Variants in EPHB4 observed in about 807,000 individuals in gnomAD.
EPHB4 encodes the protein ephrin type-B receptor 4.
Under a neutral mutation model 110.6 loss-of-function variants are expected in EPHB4, and 50 were observed. The ratio of observed to expected loss-of-function variants is 0.45; its 90% CI spans 0.36 to 0.57. The LOEUF (loss-of-function observed/expected upper bound fraction) is 0.57. EPHB4 is among the 20% of genes least tolerant of loss of function. The probability of loss-of-function intolerance (pLI) is 0.00; values close to 1 mark genes in which losing one functional copy is unlikely to be tolerated. For synonymous variants in EPHB4, 592 were observed against 578.4 expected (o/e 1.02, Z -0.34); for missense variants, 1,128 against 1,382.1 (o/e 0.82, Z 2.91).
chr7:100,820,451 C>G, intron 4 of EPHB4, 155 bp from the exon 5 acceptor site: 1 of 632,264 alleles, frequency 1.6e-6, no homozygotes, highest in Non-Finnish European at 2.3e-6. Flanking sequence ...GGCAACATAT[C>G]GAGATCCCAT....
intron 16 of EPHB4, 144 bp from the exon 17 acceptor site, chr7:100,803,734 C>G (rs1449369183): frequency 8.8e-7 from 1 of 1,141,020 alleles, no homozygotes; most frequent in Non-Finnish European, 1.2e-6. Flanking sequence ...TCAACAGTTC[C>G]CGGGCAGTTT....
At chr7:100,806,020 C>A (rs113378847) in intron 14 of EPHB4, 4 of 299,316 alleles carry the variant, frequency 1.3e-5, no homozygotes, top group Non-Finnish European at 1.2e-5. Context: ...AAAGCAATGG[C>A]GTGATCTCAG....
chr7:100,808,195 G>A (rs1423568306), intron 12 of EPHB4, among the ~76,000 whole-genome samples: 1 of 152,132 alleles, frequency 6.6e-6, no homozygotes, highest in African/African-American at 2.4e-5. Context: ...TTTATACCCA[G>A]GAAATACTCA....
intron 6 of EPHB4, among the ~76,000 whole-genome samples, chr7:100,818,927 C>CTTGT (rs1813150353): frequency 6.6e-6 from 1 of 151,996 alleles, no homozygotes; most frequent in Non-Finnish European, 1.5e-5. Context: ...AACTCCTGAC[C>CTTGT]TTGTGATCAG....
intron 8 of EPHB4, among the ~76,000 whole-genome samples, chr7:100,815,082 G>A (rs969085742): frequency 3.3e-5 from 5 of 151,648 alleles, no homozygotes; most frequent in African/African-American, 1.2e-4. Context: ...ACTTTGGGAG[G>A]CTGAGGTGGG....
At chr7:100,811,869 T>TAAAA (rs764889610) in intron 12 of EPHB4, among the ~76,000 whole-genome samples, 1 of 132,282 alleles carries the variant, frequency 7.6e-6, no homozygotes, top group African/African-American at 2.8e-5. Flanking sequence ...GACTCTGTCT[T>TAAAA]AAAAAAAAAA....
chr7:100,813,008 C>CGCAGAGG lies in EPHB4; in HGVS notation c.1871-21_1871-15dup. 1.2e-6 allele frequency: 2 copies of CGCAGAGG among 1,612,880 alleles called. No individual in the cohort carries two copies. Among genetic ancestry groups the CGCAGAGG allele is most frequent in the African/African-American group, 1.3e-5 (1 of 75,058 alleles). ...CGCCAAACTCACCTTCAAACAAGGA[C>CGCAGAGG]GCAGAGGTCATCAGCTCTCCCGCTC... On this transcript the variant is annotated splice_polypyrimidine_tract_variant and intron_variant, in intron 11 of 16. Transcript: ENST00000358173.
intron 1 of EPHB4, 100 bp from the exon 2 acceptor site, chr7:100,824,373 T>A: frequency 2.3e-6 from 3 of 1,283,348 alleles, no homozygotes; most frequent in Non-Finnish European, 3.4e-6. Flanking sequence ...CTCTTAGCTC[T>A]GAGCTAGAGG....
Position 100,817,234 on chromosome 7 carries a change from C to G in EPHB4, c.1546G>C (p.Gly516Arg). 6.2e-7 allele frequency: 1 copy of G among 1,600,346 alleles called. No individual in the cohort carries two copies. The highest frequency in any genetic ancestry group is 1.7e-5 in the Admixed American group (1 of 58,564). The change falls in exon 8 of 17, where the codon GGG (glycine) becomes CGG (arginine). Residue 516 changes from glycine to arginine, a missense_variant. Gly to Arg is a moderately radical substitution (Grantham distance 125). This residue lies in a region of EPHB4 where 728 missense variants were observed against 828.6 expected (regional missense o/e 0.88). Coordinates refer to ENST00000358173, the MANE Select transcript of EPHB4 (RefSeq NM_004444.5). ...QVRARSEAGY[G>R]PFGQEHHSQT... ...CTGTGATGTTCCTGGCCGAAGGGCC[C>G]GTAGCCGGCCTCAGAGCGCGCCCGT...
At chr7:100,809,579 T>C (rs1405895933) in intron 12 of EPHB4, among the ~76,000 whole-genome samples, 4 of 152,206 alleles carry the variant, frequency 2.6e-5, no homozygotes, top group African/African-American at 9.6e-5. Context: ...AGTAGTGCAA[T>C]GATGGCTCAC....
chr7:100,806,588 A>G lies in EPHB4; in HGVS notation c.2335-19T>C. On this transcript the variant is annotated intron_variant, in intron 13 of 16. Transcript: ENST00000358173. The stretch of plus-strand genomic sequence containing the variant: ...TTCCTCCCTGCAGAAAAAGGAGAAA[A>G]GGTGAGCTGGGGGACTCACTGAGGG... The G allele has an allele frequency of 6.2e-7, 1 of 1,607,720 alleles. No homozygotes were observed. The highest frequency in any genetic ancestry group is 8.5e-7 in the Non-Finnish European group (1 of 1,176,720).
chr7:100,807,055 T>C (rs1223413545), intron 13 of EPHB4, among the ~76,000 whole-genome samples: 1 of 152,148 alleles, frequency 6.6e-6, no homozygotes, highest in African/African-American at 2.4e-5. Flanking sequence ...CTCCAACTCC[T>C]GGGCTTAAGC....
chr7:100,826,821 C>T (rs1813410566), intron 1 of EPHB4, 158 bp downstream of exon 1: 2 of 720,750 alleles, frequency 2.8e-6, no homozygotes, highest in African/African-American at 1.8e-5. Flanking sequence ...GCCTCTTCCC[C>T]GCCCCCCTCC....
intron 12 of EPHB4, among the ~76,000 whole-genome samples, chr7:100,810,285 A>G (rs557326167): frequency 2.0e-5 from 3 of 152,148 alleles, no homozygotes; most frequent in Middle Eastern, 3.4e-3. Context: ...ACCCCACATC[A>G]GATAGAGCTT....
chr7:100,811,195 T>C (rs1812923655), intron 12 of EPHB4, among the ~76,000 whole-genome samples: 1 of 151,030 alleles, frequency 6.6e-6, no homozygotes, highest in Non-Finnish European at 1.5e-5. Flanking sequence ...GACGTTGCGG[T>C]GAGCCAAGAA....
In EPHB4 at chr7:100,813,306, G is replaced by GT. The variant is rs750195537; in HGVS notation, c.1757-99dup. ...TTAGCCCCAAACCCCTGTCTCCGTG[G>GT]TTTTTTTTTTTTTTTTTTTTTTTCC... is the stretch of plus-strand genomic sequence containing the variant. On this transcript the variant is annotated intron_variant, in intron 10 of 16. Coordinates refer to ENST00000358173, the MANE Select transcript of EPHB4 (RefSeq NM_004444.5). The GT allele has an allele frequency of 0.18, 69,565 of 380,108 alleles. 1,247 individuals carry two copies. Among genetic ancestry groups the GT allele is most frequent in the African/African-American group, 0.24 (8,175 of 33,522 alleles). The allele number at this position is 380,108 out of a possible 1,614,324, so 23.5% of individuals were successfully genotyped here. A position where few individuals can be genotyped will look rare whatever the true frequency, so the allele number is the denominator to read the frequency against.
rs568240969 is a variant in EPHB4, at chr7:100,809,782, G to A, written c.2119-2202C>T. ...ACCAGCCTCAGCTTCCCAAAGTGCT[G>A]GGATTACAGGTGTGTGTCACTGAAC... On this transcript the variant is annotated intron_variant, in intron 12 of 16. Coordinates refer to ENST00000358173, the MANE Select transcript of EPHB4 (RefSeq NM_004444.5). Among the ~76,000 whole-genome samples the A allele has an allele frequency of 2.6e-5, 4 of 152,312 alleles. No homozygotes were observed. In the South Asian group the frequency reaches 8.3e-4, roughly 32 times the overall value.
chr7:100,813,794 A>G, intron 9 of EPHB4, 78 bp from the exon 10 acceptor site: 2 of 1,607,476 alleles, frequency 1.2e-6, no homozygotes, highest in Non-Finnish European at 1.7e-6. Flanking sequence ...AGGAAGGAGC[A>G]GGGATTGGAG....
At chr7:100,816,730 A>T (rs1562970609) in intron 8 of EPHB4, among the ~76,000 whole-genome samples, 1 of 152,028 alleles carries the variant, frequency 6.6e-6, no homozygotes, top group Non-Finnish European at 1.5e-5. Context: ...TTTGGTTTCG[A>T]CATCTTACGT....
Sources: allele counts gnomAD v4.1 joint callset (sites outside exome capture counted in the v4.1 genomes callset), GRCh38; gene constraint gnomAD v4.1.1; regional missense constraint gnomAD v4.1.1; transcripts MANE v1.5; gene names NCBI Gene and HGNC (gene_info 2026-07-23, HGNC 2026-07-21).